CHST8: variants seen among roughly 807,000 people sequenced by gnomAD.
The protein encoded by CHST8 is carbohydrate sulfotransferase 8.
Under a neutral mutation model 15.0 loss-of-function variants are expected in CHST8, and 10 were observed. The observed-to-expected ratio is 0.67, with a 90% confidence interval of 0.41 to 1.13. The LOEUF (loss-of-function observed/expected upper bound fraction) is 1.13. CHST8 is among the 50% of genes most tolerant of loss of function. The probability of loss-of-function intolerance (pLI) is 0.00; values close to 1 mark genes in which losing one functional copy is unlikely to be tolerated. For synonymous variants in CHST8, 259 were observed against 256.6 expected (o/e 1.01, Z -0.09); for missense variants, 634 against 608.2 (o/e 1.04, Z -0.45).
intron 3 of CHST8, among the ~76,000 whole-genome samples, chr19:33,747,357 G>A (rs1974333513): frequency 6.6e-6 from 1 of 152,160 alleles, no homozygotes; most frequent in Admixed American, 6.5e-5. Context: ...CTTCTGGAAG[G>A]CGACACCTTC....
intron 3 of CHST8, among the ~76,000 whole-genome samples, chr19:33,725,449 C>G (rs971861724): frequency 3.3e-5 from 5 of 152,146 alleles, no homozygotes; most frequent in African/African-American, 1.2e-4. Flanking sequence ...CTGCAGTGGC[C>G]CAGGGTCCCT....
intron 3 of CHST8, among the ~76,000 whole-genome samples, chr19:33,698,843 G>A (rs919688076): frequency 6.6e-6 from 1 of 152,002 alleles, no homozygotes; most frequent in African/African-American, 2.4e-5. Context: ...CCATGCCCTC[G>A]CCCCTCTGCA....
intron 1 of CHST8, among the ~76,000 whole-genome samples, chr19:33,630,876 C>A (rs1337657300): frequency 6.6e-6 from 1 of 152,204 alleles, no homozygotes; most frequent in Non-Finnish European, 1.5e-5. Context: ...TCTGTGGGGT[C>A]TTTGCACAAG....
At chr19:33,649,461 A>G (rs1203177823) in intron 1 of CHST8, among the ~76,000 whole-genome samples, 2 of 152,196 alleles carry the variant, frequency 1.3e-5, no homozygotes, top group Admixed American at 6.5e-5. Flanking sequence ...CTGAAAACCG[A>G]AAGCAAGCAC....
At chr19:33,677,117 A>G (rs2145239629) in intron 2 of CHST8, among the ~76,000 whole-genome samples, 1 of 152,126 alleles carries the variant, frequency 6.6e-6, no homozygotes, top group Admixed American at 6.5e-5. Context: ...GCAATCACAT[A>G]AGAAGTCAGG....
chr19:33,689,375 C>A lies in CHST8; in HGVS notation c.114C>A (p.Ala38=), dbSNP rs1409188639. 1 of 1,598,378 alleles carries A rather than the reference C, an allele frequency of 6.3e-7. No homozygotes were observed. The part of the protein sequence containing the change: ...FISLQDPTEL[A]PQQVPGIKFN... ...GCCTGCAGGACCCTACGGAGCTCGC[C>A]CCCCAGCAGGTGCCAGGTGAGTCCT... is the stretch of plus-strand genomic sequence containing the variant. The change falls in exon 3 of 5, where the codon GCC becomes GCA. Residue 38 remains alanine, a synonymous_variant. Coordinates refer to ENST00000650847, the MANE Select transcript of CHST8 (RefSeq NM_001127895.2).
chr19:33,748,934 G>C (rs1464726156), intron 3 of CHST8, among the ~76,000 whole-genome samples: 8 of 152,174 alleles, frequency 5.3e-5, no homozygotes, highest in Non-Finnish European at 8.8e-5. Flanking sequence ...ACTCGGAGGA[G>C]AGCCTCAAGG....
chr19:33,666,558 G>A (rs1441181653), intron 1 of CHST8, among the ~76,000 whole-genome samples: 4 of 152,202 alleles, frequency 2.6e-5, no homozygotes, highest in African/African-American at 9.6e-5. Flanking sequence ...CCAGAGGCTG[G>A]GCATCAGGGA....
intron 3 of CHST8, among the ~76,000 whole-genome samples, chr19:33,745,367 A>C (rs990132154): frequency 2.0e-5 from 3 of 152,234 alleles, no homozygotes; most frequent in Non-Finnish European, 4.4e-5. Flanking sequence ...ACGCCATCCT[A>C]GTTTATCATC....
At chr19:33,750,739 G>T (rs947665456) in intron 3 of CHST8, among the ~76,000 whole-genome samples, 2 of 152,082 alleles carry the variant, frequency 1.3e-5, no homozygotes, top group Non-Finnish European at 2.9e-5. Context: ...CTCTTACAAG[G>T]CCCCAGGCAC....
intron 1 of CHST8, among the ~76,000 whole-genome samples, chr19:33,626,304 C>G (rs1174093723): frequency 6.6e-6 from 1 of 151,900 alleles, no homozygotes; most frequent in Non-Finnish European, 1.5e-5. Context: ...ATTCCCGGAC[C>G]CTTAGAAACT....
At chr19:33,703,748 C>G (rs2145282325) in intron 3 of CHST8, among the ~76,000 whole-genome samples, 1 of 152,366 alleles carries the variant, frequency 6.6e-6, no homozygotes, top group South Asian at 2.1e-4. Flanking sequence ...AAAGCTTCAC[C>G]ATTATATGCC....
intron 2 of CHST8, among the ~76,000 whole-genome samples, chr19:33,676,878 TA>T (rs1220557449): frequency 7.1e-6 from 1 of 141,746 alleles, no homozygotes; most frequent in Non-Finnish European, 1.5e-5. Flanking sequence ...CCCAGACTCT[TA>T]AAAAAGAAAA....
intron 1 of CHST8, among the ~76,000 whole-genome samples, chr19:33,637,148 A>G (rs1463283515): frequency 6.6e-6 from 1 of 152,118 alleles, no homozygotes; most frequent in Non-Finnish European, 1.5e-5. Context: ...TCTCATCACC[A>G]TCTTGGTTTT....
At chr19:33,685,354 CTT>C (rs113246634) in intron 2 of CHST8, among the ~76,000 whole-genome samples, 4 of 143,222 alleles carry the variant, frequency 2.8e-5, no homozygotes, top group African/African-American at 7.7e-5. Flanking sequence ...TTAATTGGAT[CTT>C]TTTTTTTTTT....
rs1226555710 is a variant in CHST8, at chr19:33,768,043, G to A, written c.131-3370G>A. On this transcript the variant is annotated intron_variant, in intron 3 of 4. Transcript: ENST00000650847. ...AGCCCTTAGCTGTACTTCCCTGAGC[G>A]CTGATGGAGCTGTCCAGGGTCCTGA... 3.9e-5 allele frequency among the ~76,000 whole-genome samples: 6 copies of A among 152,286 alleles called. No homozygotes were observed. In the South Asian group the frequency reaches 6.2e-4, roughly 16 times the overall value.
At chr19:33,689,471 G>A in intron 3 of CHST8, 80 bp downstream of exon 3, 1 of 1,422,228 alleles carries the variant, frequency 7.0e-7, no homozygotes, top group Non-Finnish European at 9.3e-7. Context: ...CTGCCCTGGT[G>A]TGCTGGGCTT....
chr19:33,746,652 T>C (rs1448046509), intron 3 of CHST8, among the ~76,000 whole-genome samples: 1 of 152,246 alleles, frequency 6.6e-6, no homozygotes, highest in African/African-American at 2.4e-5. Flanking sequence ...ACAGGCCATG[T>C]TGTCTTTAGT....
intron 4 of CHST8, 32 bp from the exon 5 acceptor site, chr19:33,771,925 C>T (rs1360643722): frequency 1.3e-6 from 2 of 1,526,574 alleles, no homozygotes; most frequent in Admixed American, 4.4e-5. Context: ...CTGTCCTTTC[C>T]ACTCAGATAA....
Sources: gnomAD v4.1 joint callset for allele counts (sites outside exome capture counted in the v4.1 genomes callset) on GRCh38, gnomAD v4.1.1 for gene constraint, MANE v1.5 for transcripts, NCBI Gene and HGNC (gene_info 2026-07-23, HGNC 2026-07-21) for gene names.